SYN3: variants seen among roughly 807,000 people sequenced by gnomAD.
SYN3 encodes synapsin III.
A neutral mutation model predicts 65.8 loss-of-function variants in SYN3; 35 were observed. That is an observed-to-expected ratio of 0.53 (90% CI 0.41 to 0.70). The LOEUF is 0.70. Ranked by LOEUF, SYN3 falls within the 30% of genes least tolerant of loss-of-function variation. The probability of loss-of-function intolerance (pLI) is 0.00; values close to 1 mark genes in which losing one functional copy is unlikely to be tolerated. For synonymous variants in SYN3, 270 were observed against 292.9 expected, an observed-to-expected ratio of 0.92 and a Z score of 0.80; for missense variants, 680 against 749.0, an observed-to-expected ratio of 0.91 and a Z score of 1.08.
intron 6 of SYN3, among the ~76,000 whole-genome samples, chr22:32,756,447 A>G (rs997100436): frequency 6.6e-6 from 1 of 152,212 alleles, no homozygotes; most frequent in African/African-American, 2.4e-5. Context: ...TATAATGAAA[A>G]TGGACAGTCT....
At chr22:32,767,758 G>T (rs1482834268) in intron 6 of SYN3, among the ~76,000 whole-genome samples, 2 of 152,142 alleles carry the variant, frequency 1.3e-5, no homozygotes, top group East Asian at 1.9e-4. Flanking sequence ...TTAGAGCTCA[G>T]AATTGTCACC....
intron 6 of SYN3, among the ~76,000 whole-genome samples, chr22:32,856,434 G>A (rs1247897274): frequency 6.6e-6 from 1 of 152,030 alleles, no homozygotes; most frequent in East Asian, 1.9e-4. Context: ...ATCAGTGACC[G>A]GCCACTGGAC....
intron 1 of SYN3, among the ~76,000 whole-genome samples, chr22:33,049,339 G>A (rs2054121924): frequency 1.3e-5 from 2 of 152,192 alleles, no homozygotes; most frequent in South Asian, 4.1e-4. Context: ...TCCACTACCA[G>A]CACGTTCTTC....
At chr22:32,990,395 T>TCCACCCATCCAGCCATCCAG (rs771650443) in intron 2 of SYN3, among the ~76,000 whole-genome samples, 1 of 102,166 alleles carries the variant, frequency 9.8e-6, no homozygotes, top group Non-Finnish European at 2.2e-5. Context: ...CACCCATCCA[T>TCCACCCATCCAGCCATCCAG]CCATCCATCC....
chr22:32,682,721 A>G (rs1319547322), intron 6 of SYN3, among the ~76,000 whole-genome samples: 1 of 150,592 alleles, frequency 6.6e-6, no homozygotes, highest in Non-Finnish European at 1.5e-5. Context: ...TTTATTGCAC[A>G]GCGTTTGACG....
intron 4 of SYN3, among the ~76,000 whole-genome samples, chr22:32,882,323 T>C (rs2049164183): frequency 6.6e-6 from 1 of 152,156 alleles, no homozygotes; most frequent in Non-Finnish European, 1.5e-5. Context: ...TGGCTAACAT[T>C]TTGTCTGTCA....
At chr22:32,887,323 A>G (rs1039285575) in intron 4 of SYN3, among the ~76,000 whole-genome samples, 3 of 152,082 alleles carry the variant, frequency 2.0e-5, no homozygotes, top group African/African-American at 7.2e-5. Context: ...GGCTGCTGCA[A>G]GCTATGATCA....
rs765194058 is a variant in SYN3 at position 32,727,537 on chromosome 22, T to C, written c.712-130801A>G. Among the ~76,000 whole-genome samples, 49 of 152,346 alleles carry C rather than the reference T, an allele frequency of 3.2e-4. 1 individual carries two copies. Among genetic ancestry groups the C allele is most frequent in the South Asian group, 1.4e-3 (7 of 4,828 alleles). On this transcript the variant is annotated intron_variant, in intron 6 of 13. Coordinates refer to ENST00000358763, the MANE Select transcript of SYN3 (RefSeq NM_003490.4). ...GTAATGGGGTTGCTGGGTCAAATGGTATTTCTGCCTCCAGGTTTTTGAAGA... is the reference window on the plus strand; with the variant it reads ...GTAATGGGGTTGCTGGGTCAAATGGCATTTCTGCCTCCAGGTTTTTGAAGA...
At chr22:32,916,978 C>G (rs1419897787) in intron 4 of SYN3, among the ~76,000 whole-genome samples, 1 of 152,146 alleles carries the variant, frequency 6.6e-6, no homozygotes, top group Non-Finnish European at 1.5e-5. Context: ...TGGTCTCCCC[C>G]CAACTCTTCT....
intron 7 of SYN3, among the ~76,000 whole-genome samples, chr22:32,592,820 T>C (rs182787084): frequency 1.7e-3 from 266 of 152,276 alleles, no homozygotes; most frequent in Middle Eastern, 0.01. Flanking sequence ...CACGACTATC[T>C]CTCCAATTCC....
intron 3 of SYN3, among the ~76,000 whole-genome samples, chr22:32,959,954 A>G (rs1027119666): frequency 6.6e-5 from 10 of 152,204 alleles, no homozygotes; most frequent in Non-Finnish European, 1.2e-4. Context: ...CATCAAACAG[A>G]GCAGTAATTT....
intron 6 of SYN3, among the ~76,000 whole-genome samples, chr22:32,671,081 A>G (rs934980449): frequency 1.3e-5 from 2 of 152,216 alleles, no homozygotes; most frequent in African/African-American, 4.8e-5. Context: ...TTCAGTTTAC[A>G]TATCTGTCAA....
chr22:32,724,231 T>C (rs1479367522), intron 6 of SYN3, among the ~76,000 whole-genome samples: 1 of 146,684 alleles, frequency 6.8e-6, no homozygotes, highest in Non-Finnish European at 1.5e-5. Flanking sequence ...TCTTCCAATA[T>C]AGGGTACTTT....
chr22:33,008,484 T>C (rs1177254970), intron 1 of SYN3, among the ~76,000 whole-genome samples: 3 of 152,222 alleles, frequency 2.0e-5, no homozygotes, highest in African/African-American at 4.8e-5. Flanking sequence ...AAATATATTA[T>C]GCTTTTGTTA....
At chr22:32,622,574 G>T (rs2059610271) in intron 6 of SYN3, among the ~76,000 whole-genome samples, 2 of 152,034 alleles carry the variant, frequency 1.3e-5, no homozygotes, top group African/African-American at 4.8e-5. Flanking sequence ...GAGGAGAGCA[G>T]CTGGAATGTG....
Position 32,689,961 on chromosome 22 carries a change from A to C in SYN3, c.712-93225T>G, listed in dbSNP as rs1163873189. ...GAAGCCGAGGCAGGAGGATTACCTG[A>C]GGTCAGGAGTTTGAGACCAGCCTGG... is the stretch of plus-strand genomic sequence containing the variant. On this transcript the variant is annotated intron_variant, in intron 6 of 13. Coordinates refer to ENST00000358763, the MANE Select transcript of SYN3 (RefSeq NM_003490.4). Among the ~76,000 whole-genome samples the C allele has an allele frequency of 4.6e-5, 7 of 152,252 alleles. No individual in the cohort carries two copies. In the East Asian group the frequency reaches 1.4e-3, roughly 29 times the overall value.
At chr22:32,559,932 A>T (rs1383166410) in intron 7 of SYN3, among the ~76,000 whole-genome samples, 4 of 152,190 alleles carry the variant, frequency 2.6e-5, no homozygotes, top group Non-Finnish European at 5.9e-5. Context: ...AAGCCTGTGC[A>T]CTAAGAGGCA....
intron 6 of SYN3, among the ~76,000 whole-genome samples, chr22:32,658,585 C>T (rs1453352783): frequency 3.3e-5 from 5 of 152,208 alleles, no homozygotes; most frequent in Admixed American, 3.3e-4. Context: ...TGGAGTCGCC[C>T]ATCCCATCCA....
chr22:32,823,131 G>A (rs2047300926), intron 6 of SYN3, among the ~76,000 whole-genome samples: 1 of 152,200 alleles, frequency 6.6e-6, no homozygotes, highest in Admixed American at 6.5e-5. Context: ...ACAATGGTGG[G>A]AAAGCAAGGA....
Sources: allele counts gnomAD v4.1 joint callset (sites outside exome capture counted in the v4.1 genomes callset), GRCh38; gene constraint gnomAD v4.1.1; transcripts MANE v1.5; gene names NCBI Gene and HGNC (gene_info 2026-07-23, HGNC 2026-07-21).